Variants in NPHP4 observed in about 807,000 individuals in gnomAD.
NPHP4 encodes the protein nephrocystin 4.
Under a neutral mutation model 155.8 loss-of-function variants are expected in NPHP4, and 151 were observed. The observed-to-expected ratio is 0.97, with a 90% confidence interval of 0.85 to 1.11. The LOEUF (loss-of-function observed/expected upper bound fraction) is 1.11, where lower values mean the gene tolerates loss of function less well. NPHP4 is among the 50% of genes least tolerant of loss of function. The pLI, the probability that NPHP4 is intolerant of heterozygous loss-of-function variation, is 0.00. For missense variants in NPHP4, 1,956 were observed against 1,925.7 expected (o/e 1.02, Z -0.29); for synonymous variants, 845 against 816.8 (o/e 1.03, Z -0.59).
chr1:5,887,061 CTGA>C, intron 18 of NPHP4: 2 of 536,338 alleles, frequency 3.7e-6, no homozygotes, highest in Non-Finnish European at 6.6e-6. Flanking sequence ...CCCGAGATGA[CTGA>C]TGACCTCTAA....
chr1:5,945,286 C>T (rs558138887), intron 9 of NPHP4, among the ~76,000 whole-genome samples: 2 of 152,180 alleles, frequency 1.3e-5, no homozygotes, highest in Admixed American at 6.5e-5. Context: ...CTCCTCCGCT[C>T]ACTCCCCAGC....
intron 10 of NPHP4, among the ~76,000 whole-genome samples, chr1:5,928,165 C>A (rs1187384481): frequency 6.6e-6 from 1 of 152,094 alleles, no homozygotes; most frequent in Non-Finnish European, 1.5e-5. Flanking sequence ...CAGCCCCATC[C>A]CCCCAGGGTG....
intron 10 of NPHP4, among the ~76,000 whole-genome samples, chr1:5,928,408 T>C (rs113996662): frequency 0.015 from 2,316 of 152,368 alleles, 58 homozygotes; most frequent in African/African-American, 0.053. Context: ...TCTTTTTTTA[T>C]TACTGAGTGA....
chr1:5,949,612 G>A lies in NPHP4; in HGVS notation c.811-1361C>T, dbSNP rs139399261. ...AACGCGGGGTGACAGCTGGAGACAC[G>A]GTGGCAAGGGCGGGGAACAGCACCC... On this transcript the variant is annotated intron_variant, in intron 7 of 29. Transcript: ENST00000378156. 5.7e-3 allele frequency among the ~76,000 whole-genome samples: 873 copies of A among 152,078 alleles called. 10 individuals are homozygous for A. The highest frequency in any genetic ancestry group is 0.019 in the African/African-American group (774 of 41,458).
rs1182604954 is a variant in NPHP4, at chr1:5,910,463, C to T, written c.1442-1250G>A. Among the ~76,000 whole-genome samples, 1 of 152,182 alleles carries T rather than the reference C, an allele frequency of 6.6e-6. No homozygotes were observed. The highest frequency in any genetic ancestry group is 6.5e-5 in the Admixed American group (1 of 15,286). On this transcript the variant is annotated intron_variant, in intron 11 of 29. Coordinates refer to ENST00000378156, the MANE Select transcript of NPHP4 (RefSeq NM_015102.5). The surrounding 1 kb of genome is among the most constrained non-coding windows in gnomAD (Gnocchi z 5.4). Reference sequence around the variant, plus strand: ...ATCTTGGGCCCAGCAGCTCGCCTTCCCTCCCTCTCCTGTGGCCTCTGCTGC... The same window carrying T: ...ATCTTGGGCCCAGCAGCTCGCCTTCTCTCCCTCTCCTGTGGCCTCTGCTGC...
At chr1:5,978,445 G>A in intron 2 of NPHP4, 32 bp from the exon 3 acceptor site, 1 of 1,584,824 alleles carries the variant, frequency 6.3e-7, no homozygotes, top group Non-Finnish European at 8.6e-7. Flanking sequence ...ACCCTCAAGA[G>A]TCTGAGCACC....
intron 6 of NPHP4, among the ~76,000 whole-genome samples, chr1:5,953,139 TTC>T (rs1197780695): frequency 6.6e-6 from 1 of 152,186 alleles, no homozygotes; most frequent in African/African-American, 2.4e-5. Flanking sequence ...CGGAGTCTCG[TTC>T]TGTCGCCCAG....
Position 5,961,903 on chromosome 1 carries a change from C to T in NPHP4, c.564G>A (p.Thr188=), listed in dbSNP as rs774108555. The part of the protein sequence containing the change: ...TLIENCSLQY[T]LKPHPALEPA... ...GCTCCAGGGCCGGGTGTGGCTTCAG[C>T]GTGTACTGCAGGCTGCAGTTCTCAA... Residue 188 remains threonine (T), a synonymous_variant, in exon 6 of 30, where the codon ACG becomes ACA. Transcript: ENST00000378156. 6.2e-6 allele frequency: 10 copies of T among 1,613,286 alleles called. No homozygotes were observed. Among genetic ancestry groups the T allele is most frequent in the South Asian group, 1.1e-5 (1 of 91,074 alleles).
intron 10 of NPHP4, among the ~76,000 whole-genome samples, chr1:5,930,484 T>C (rs556021039): frequency 1.3e-5 from 2 of 152,372 alleles, no homozygotes; most frequent in East Asian, 3.8e-4. Flanking sequence ...TGTATTTCCA[T>C]ATCTGTTAAG....
chr1:5,914,679 C>T (rs1178281595), intron 11 of NPHP4, among the ~76,000 whole-genome samples: 1 of 152,170 alleles, frequency 6.6e-6, no homozygotes, highest in Non-Finnish European at 1.5e-5. Context: ...TTATCAGATG[C>T]CTGCGCTATG....
At chr1:5,981,142 TC>T (rs1218446491) in intron 2 of NPHP4, among the ~76,000 whole-genome samples, 1 of 152,016 alleles carries the variant, frequency 6.6e-6, no homozygotes, top group Admixed American at 6.6e-5. Context: ...CTGCCTGGGT[TC>T]CCCCAGCACC....
intron 11 of NPHP4, among the ~76,000 whole-genome samples, chr1:5,913,678 G>A: frequency 6.6e-6 from 1 of 152,174 alleles, no homozygotes; most frequent in Admixed American, 6.5e-5. Context: ...CCTGCAAGAG[G>A]ATGCAACCCA....
chr1:5,866,801 A>G (rs1641278533), intron 25 of NPHP4, among the ~76,000 whole-genome samples: 1 of 152,182 alleles, frequency 6.6e-6, no homozygotes, highest in South Asian at 2.1e-4. Context: ...GTGCCTTTTT[A>G]AAATTTAAAT....
intron 11 of NPHP4, among the ~76,000 whole-genome samples, chr1:5,923,452 CAG>C (rs1645847461): frequency 2.0e-5 from 3 of 152,186 alleles, no homozygotes; most frequent in African/African-American, 7.2e-5. Context: ...ATGAGCAGCA[CAG>C]AGAGAGAATG....
rs1022927409 is a variant in NPHP4, at chr1:5,880,166, A to G, written c.2559T>C (p.Asp853=). 6.2e-7 allele frequency: 1 copy of G among 1,613,590 alleles called. No individual in the cohort carries two copies. The highest frequency in any genetic ancestry group is 1.7e-5 in the Admixed American group (1 of 59,966). The part of the protein sequence containing the change: ...PPSRSRVISN[D]GASRFSGGSL... The stretch of plus-strand genomic sequence containing the variant: ...TGCCTCCAGAGAAGCGGCTGGCTCC[A>G]TCGTTTGAGATGACCCGAGATCTGG... Residue 853 remains aspartate, a synonymous_variant, in exon 19 of 30, where the codon GAT becomes GAC. Coordinates refer to ENST00000378156, the MANE Select transcript of NPHP4 (RefSeq NM_015102.5).
At chr1:5,976,173 G>A (rs1653530267) in intron 3 of NPHP4, among the ~76,000 whole-genome samples, 1 of 152,166 alleles carries the variant, frequency 6.6e-6, no homozygotes, top group African/African-American at 2.4e-5. Flanking sequence ...GATGCACAGG[G>A]CCGTCGCTCC....
chr1:5,972,685 G>C (rs1274025520), intron 3 of NPHP4, among the ~76,000 whole-genome samples: 1 of 152,140 alleles, frequency 6.6e-6, no homozygotes, highest in African/African-American at 2.4e-5. Context: ...TCTCTCATGA[G>C]CAAATGAATC....
At chr1:5,888,653 CT>C (rs1487816887) in intron 17 of NPHP4, 2 of 1,302,880 alleles carry the variant, frequency 1.5e-6, no homozygotes, top group Non-Finnish European at 2.0e-6. Flanking sequence ...ATGTCAGCTT[CT>C]CCAAGAGGCA....
At chr1:5,902,142 C>A (rs1293502223) in intron 16 of NPHP4, among the ~76,000 whole-genome samples, 1 of 152,236 alleles carries the variant, frequency 6.6e-6, no homozygotes, top group African/African-American at 2.4e-5. Context: ...AGCAGCTCAA[C>A]TGACTGGGGA....
Sources: allele counts gnomAD v4.1 joint callset (sites outside exome capture counted in the v4.1 genomes callset), GRCh38; gene constraint gnomAD v4.1.1; non-coding constraint Gnocchi (gnomAD v3.1); transcripts MANE v1.5; gene names NCBI Gene and HGNC (gene_info 2026-07-23, HGNC 2026-07-21).